Variants in HMGXB3 observed in about 807,000 individuals in gnomAD.
The protein encoded by HMGXB3 is HMG domain-containing protein 3.
In HMGXB3, 45 loss-of-function variants were observed where a neutral mutation model predicts 121.5. That is an observed-to-expected ratio of 0.37 (90% confidence interval 0.29 to 0.47). HMGXB3 has a LOEUF of 0.47. Among genes scored for constraint, HMGXB3 ranks in the 20% least tolerant of loss-of-function variants. HMGXB3 has a pLI of 0.99. For synonymous variants in HMGXB3, 590 were observed against 624.1 expected (o/e 0.95, Z 0.81); for missense variants, 1,376 against 1,602.2 (o/e 0.86, Z 2.41).
At position 150,048,551 on chromosome 5, in the gene HMGXB3, C is replaced by A. The variant is rs1420343650; in HGVS notation, c.3085-18C>A. 20 of 1,512,636 alleles carry A rather than the reference C, an allele frequency of 1.3e-5. No homozygotes were observed. The highest frequency in any genetic ancestry group is 1.8e-5 in the Non-Finnish European group (20 of 1,111,440). The allele number at this position is 1,512,636 out of a possible 1,614,324, so 93.7% of individuals were successfully genotyped here. On this transcript the variant is annotated intron_variant, in intron 17 of 19. Transcript: ENST00000502717. ...TAGCATTCGCCCTTATGTTTTTAATCTTGTCCTTCTACTCCAGGACCAGCT... is the reference window on the plus strand; with the variant it reads ...TAGCATTCGCCCTTATGTTTTTAATATTGTCCTTCTACTCCAGGACCAGCT...
chr5:150,047,560 G>A lies in HMGXB3; in HGVS notation c.2951-64G>A, dbSNP rs548788085. On this transcript the variant is annotated intron_variant, in intron 16 of 19. Coordinates refer to ENST00000502717, the MANE Select transcript of HMGXB3 (RefSeq NM_014983.3). Reference sequence around the variant, plus strand: ...GCTTCCACTGTTTGCTGTTTTGTGGGCCTAGCCTTGGCCTCTGGTGACTGG... The same window carrying A: ...GCTTCCACTGTTTGCTGTTTTGTGGACCTAGCCTTGGCCTCTGGTGACTGG... 360 of 1,541,424 alleles carry A rather than the reference G, an allele frequency of 2.3e-4. 1 individual carries two copies. In the Middle Eastern group the frequency reaches 4.6e-3, roughly 20 times the overall value.
Position 150,052,115 on chromosome 5 carries a change from C to T in HMGXB3, c.3802C>T (p.Arg1268Cys), listed in dbSNP as rs574897162. The change falls in exon 20 of 20, where the codon CGC becomes TGC. Residue 1268 changes from arginine to cysteine, a missense_variant. Arg to Cys is a radical substitution (Grantham distance 180, BLOSUM62 -3). This residue lies in a region of HMGXB3 where 260 missense variants were observed against 233.2 expected (regional missense o/e 1.11). Coordinates refer to ENST00000502717, the MANE Select transcript of HMGXB3 (RefSeq NM_014983.3). ...GGTGGTCATTCGTGACACCCTCTAC[C>T]GCCTTGGGGTTGCTCAGATCAAGAC... ...GEVVIRDTLY[R>C]LGVAQIKTET... 111 of 1,551,682 alleles carry T rather than the reference C, an allele frequency of 7.2e-5. No homozygotes were observed. The Admixed American group carries it at 1.2e-3, about 17-fold the overall frequency.
chr5:150,036,740 C>A lies in HMGXB3; in HGVS notation c.2088C>A (p.Val696=). The change falls in exon 12 of 20, where the codon GTC becomes GTA. Residue 696 remains valine (V), a synonymous_variant. Transcript: ENST00000502717. ...RQSTLQLLRK[V]LQIPENESEL... Reference sequence around the variant, plus strand: ...CCACACTGCAGCTGCTGCGCAAAGTCCTGCAGATTCCTGAGAATGAGTCAG... The same window carrying A: ...CCACACTGCAGCTGCTGCGCAAAGTACTGCAGATTCCTGAGAATGAGTCAG... 1 of 1,551,674 alleles carries A rather than the reference C, an allele frequency of 6.4e-7. No homozygotes were observed. The highest frequency in any genetic ancestry group is 1.2e-5 in the South Asian group (1 of 84,056).
At chr5:150,035,143 T>A (rs931186219) in intron 11 of HMGXB3, among the ~76,000 whole-genome samples, 20 of 152,182 alleles carry the variant, frequency 1.3e-4, no homozygotes, top group African/African-American at 4.8e-4. Flanking sequence ...AGTGTCCTAG[T>A]CTGTTTTGTG....
chr5:150,019,739 G>A (rs1056454715), intron 6 of HMGXB3, among the ~76,000 whole-genome samples: 5 of 152,178 alleles, frequency 3.3e-5, no homozygotes, highest in African/African-American at 7.2e-5. Flanking sequence ...GGTTAGGTTC[G>A]TGATTATCAC....
intron 1 of HMGXB3, among the ~76,000 whole-genome samples, chr5:150,004,059 G>A (rs985560695): frequency 2.7e-5 from 4 of 150,384 alleles, no homozygotes; most frequent in African/African-American, 9.8e-5. Flanking sequence ...TAATAGAGAT[G>A]GGGTCTCACT....
intron 11 of HMGXB3, among the ~76,000 whole-genome samples, chr5:150,034,915 C>G (rs922000316): frequency 6.6e-6 from 1 of 152,190 alleles, no homozygotes; most frequent in Non-Finnish European, 1.5e-5. Flanking sequence ...CTCGGGGCAG[C>G]TCATTCTAGT....
intron 3 of HMGXB3, among the ~76,000 whole-genome samples, chr5:150,009,281 C>T (rs1365769843): frequency 1.3e-5 from 2 of 152,156 alleles, no homozygotes; most frequent in African/African-American, 2.4e-5. Flanking sequence ...AAGTTTACCT[C>T]CCTGAGTTTC....
At chr5:150,042,679 G>A (rs1386474501) in intron 15 of HMGXB3, among the ~76,000 whole-genome samples, 2 of 152,096 alleles carry the variant, frequency 1.3e-5, no homozygotes, top group East Asian at 3.8e-4. Flanking sequence ...GGTAACATGG[G>A]CTATTTTAAG....
At chr5:150,013,296 G>T (rs1755885008) in intron 5 of HMGXB3, among the ~76,000 whole-genome samples, 1 of 152,150 alleles carries the variant, frequency 6.6e-6, no homozygotes, top group Non-Finnish European at 1.5e-5. Flanking sequence ...AGGAATGCAT[G>T]TTGGATTTTT....
chr5:150,008,855 A>G (rs1247009947), intron 3 of HMGXB3, among the ~76,000 whole-genome samples: 3 of 152,212 alleles, frequency 2.0e-5, no homozygotes, highest in South Asian at 4.1e-4. Flanking sequence ...TACCTCTCCA[A>G]TAAAGGCTCC....
chr5:150,012,459 A>G, intron 5 of HMGXB3, 106 bp downstream of exon 5: 1 of 771,058 alleles, frequency 1.3e-6, no homozygotes. Flanking sequence ...TGTAGGACCA[A>G]GAAGATTTCT....
chr5:150,019,475 G>A (rs1324529792), intron 6 of HMGXB3, among the ~76,000 whole-genome samples: 1 of 152,134 alleles, frequency 6.6e-6, no homozygotes, highest in Non-Finnish European at 1.5e-5. Context: ...TTAACATGTT[G>A]TCACCTGTGT....
chr5:150,033,680 G>A (rs1236181788), intron 11 of HMGXB3, among the ~76,000 whole-genome samples: 1 of 152,186 alleles, frequency 6.6e-6, no homozygotes, highest in Non-Finnish European at 1.5e-5. Context: ...ATGTCCTTGA[G>A]CCGGGGAGAG....
At chr5:150,015,189 G>T in intron 5 of HMGXB3, 1 of 277,310 alleles carries the variant, frequency 3.6e-6, no homozygotes, top group South Asian at 9.0e-5. Context: ...TGATGGCCAT[G>T]GTCACGTGTG....
intron 19 of HMGXB3, 46 bp from the exon 20 acceptor site, chr5:150,051,679 C>T (rs1250554381): frequency 1.5e-5 from 21 of 1,414,712 alleles, no homozygotes; most frequent in South Asian, 2.7e-5. Flanking sequence ...TGGGTTCCAC[C>T]TTAGTCATTC....
intron 1 of HMGXB3, among the ~76,000 whole-genome samples, chr5:150,004,528 G>A (rs879728054): frequency 6.6e-6 from 1 of 152,156 alleles, no homozygotes; most frequent in African/African-American, 2.4e-5. Flanking sequence ...AGGGGTGGGT[G>A]GGTACTGTAT....
intron 6 of HMGXB3, 25 bp from the exon 7 acceptor site, chr5:150,024,237 A>T (rs536452204): frequency 4.7e-6 from 7 of 1,492,956 alleles, no homozygotes; most frequent in Non-Finnish European, 6.2e-6. Context: ...TCCCTTATGT[A>T]TACAAGGTAT....
intron 5 of HMGXB3, among the ~76,000 whole-genome samples, chr5:150,015,906 A>T (rs1258975341): frequency 6.6e-6 from 1 of 152,188 alleles, no homozygotes; most frequent in African/African-American, 2.4e-5. Flanking sequence ...GTCTGTCTTG[A>T]TAAATGTTAT....
Sources: gnomAD v4.1 joint callset for allele counts (sites outside exome capture counted in the v4.1 genomes callset) on GRCh38, gnomAD v4.1.1 for gene constraint, gnomAD v4.1.1 regional missense constraint, MANE v1.5 for transcripts, NCBI Gene and HGNC (gene_info 2026-07-23, HGNC 2026-07-21) for gene names.